ADGRL3: variants seen among roughly 807,000 people sequenced by gnomAD.
ADGRL3 encodes the protein calcium-independent alpha-latrotoxin receptor 3.
ADGRL3 carries 62 observed loss-of-function variants against 153.5 expected under a neutral mutation model. The observed-to-expected ratio is 0.40, with a 90% CI of 0.33 to 0.50. The LOEUF (loss-of-function observed/expected upper bound fraction) is 0.50. ADGRL3 is among the 20% of genes least tolerant of loss of function. ADGRL3 has a pLI of 0.47. For synonymous variants in ADGRL3, 710 were observed against 672.5 expected, an observed-to-expected ratio of 1.06 and a Z score of -0.86; for missense variants, 1,641 against 1,859.4, an observed-to-expected ratio of 0.88 and a Z score of 2.16.
At chr4:61,876,089 A>G (rs2098473399) in intron 9 of ADGRL3, among the ~76,000 whole-genome samples, 1 of 148,156 alleles carries the variant, frequency 6.7e-6, no homozygotes, top group Admixed American at 7.1e-5. Context: ...TGTGGAAATT[A>G]TATCATCAAA....
intron 5 of ADGRL3, among the ~76,000 whole-genome samples, chr4:61,618,477 C>T (rs2092241702): frequency 6.6e-6 from 1 of 152,232 alleles, no homozygotes; most frequent in East Asian, 1.9e-4. Flanking sequence ...CTGATCTGAT[C>T]TGGGCCTACT....
At chr4:61,517,789 A>C (rs1398060371) in intron 4 of ADGRL3, among the ~76,000 whole-genome samples, 1 of 152,176 alleles carries the variant, frequency 6.6e-6, no homozygotes. Flanking sequence ...GCATTATCAC[A>C]GGAAATTTAA....
intron 8 of ADGRL3, among the ~76,000 whole-genome samples, chr4:61,754,610 A>ATC (rs2096797847): frequency 6.7e-6 from 1 of 149,244 alleles, no homozygotes; most frequent in African/African-American, 2.5e-5. Flanking sequence ...CTGAGTGTAT[A>ATC]TATATATATT....
chr4:62,059,750 T>C (rs1739059048), intron 25 of ADGRL3, among the ~76,000 whole-genome samples: 1 of 152,156 alleles, frequency 6.6e-6, no homozygotes, highest in Non-Finnish European at 1.5e-5. Context: ...TATTGTTCCA[T>C]GTAGCCACCA....
At chr4:61,982,551 A>G (rs944822729) in intron 18 of ADGRL3, among the ~76,000 whole-genome samples, 1 of 152,188 alleles carries the variant, frequency 6.6e-6, no homozygotes, top group African/African-American at 2.4e-5. Flanking sequence ...GATTTTAGTC[A>G]GGGTTTCCTA....
chr4:61,520,845 G>A (rs1168518611), intron 4 of ADGRL3, among the ~76,000 whole-genome samples: 1 of 151,744 alleles, frequency 6.6e-6, no homozygotes, highest in Non-Finnish European at 1.5e-5. Flanking sequence ...TTTTTCTTCT[G>A]TTTTTCTCAA....
chr4:61,545,343 A>G (rs1023049533), intron 4 of ADGRL3, among the ~76,000 whole-genome samples: 19 of 152,184 alleles, frequency 1.2e-4, no homozygotes, highest in Admixed American at 1.1e-3. Flanking sequence ...GAAAAAGTAG[A>G]AGCTGGGTTC....
At chr4:61,539,645 G>A (rs1369887541) in intron 4 of ADGRL3, among the ~76,000 whole-genome samples, 2 of 152,112 alleles carry the variant, frequency 1.3e-5, no homozygotes, top group African/African-American at 2.4e-5. Context: ...CAGGCCTGAG[G>A]GGGAGAGCCA....
In ADGRL3 at chr4:61,732,989, A is replaced by G. The variant is rs1292158988; in HGVS notation, c.834A>G (p.Gly278=). Residue 278 remains glycine (G), a synonymous_variant, in exon 8 of 27, where the codon GGA becomes GGG. Coordinates refer to ENST00000683033, the MANE Select transcript of ADGRL3 (RefSeq NM_001387552.1). ...YKLPHRVDGT[G]FVVYDGALFF... ...TCCCTCACAGGGTGGATGGCACAGG[A>G]TTTGTAGTGTATGATGGAGCTTTGT... 6.2e-7 allele frequency: 1 copy of G among 1,613,780 alleles called. No individual in the cohort carries two copies. The highest frequency in any genetic ancestry group is 8.5e-7 in the Non-Finnish European group (1 of 1,179,834).
intron 1 of ADGRL3, among the ~76,000 whole-genome samples, chr4:61,308,227 T>A (rs1245443599): frequency 6.6e-6 from 1 of 152,142 alleles, no homozygotes. Flanking sequence ...GAAATCTAGT[T>A]TCTTAGCAAT....
chr4:61,656,606 A>T (rs754483753), intron 5 of ADGRL3, among the ~76,000 whole-genome samples: 1 of 152,124 alleles, frequency 6.6e-6, no homozygotes, highest in Non-Finnish European at 1.5e-5. Context: ...CATGCAAAAG[A>T]TTTTATTTTG....
chr4:61,411,373 A>G lies in ADGRL3; in HGVS notation c.-174+28184A>G, dbSNP rs182308840. ...TTTTCTTCTTGTAAGTTTTGGCAGG[A>G]ATACTACAGAAATGATGTAATATTC... On this transcript the variant is annotated intron_variant, in intron 2 of 26. Coordinates refer to ENST00000683033, the MANE Select transcript of ADGRL3 (RefSeq NM_001387552.1). Among the ~76,000 whole-genome samples, 534 of 152,286 alleles carry G rather than the reference A, an allele frequency of 3.5e-3. 6 individuals carry two copies. The highest frequency in any genetic ancestry group is 0.012 in the African/African-American group (513 of 41,546).
chr4:61,217,227 A>G (rs1470643), intron 1 of ADGRL3, among the ~76,000 whole-genome samples: 91,878 of 152,002 alleles, frequency 0.6, 28,428 homozygotes, highest in Middle Eastern at 0.69. Context: ...TAAGTGCTAC[A>G]GAAGACAAGT....
intron 1 of ADGRL3, among the ~76,000 whole-genome samples, chr4:61,368,544 T>G (rs923472928): frequency 2.6e-5 from 4 of 151,934 alleles, no homozygotes; most frequent in East Asian, 1.9e-4. Context: ...GTTGTAGATA[T>G]GCGGCGTTAT....
At chr4:61,805,785 C>T (rs1161297716) in intron 8 of ADGRL3, among the ~76,000 whole-genome samples, 1 of 152,062 alleles carries the variant, frequency 6.6e-6, no homozygotes, top group Non-Finnish European at 1.5e-5. Flanking sequence ...TAAATAGCTA[C>T]TTTACATAGG....
intron 1 of ADGRL3, among the ~76,000 whole-genome samples, chr4:61,298,059 A>G (rs2094468888): frequency 6.6e-6 from 1 of 152,198 alleles, no homozygotes; most frequent in South Asian, 2.1e-4. Flanking sequence ...GCTCTTCAAG[A>G]TTATACAACT....
chr4:61,924,335 A>G (rs2098784758), intron 13 of ADGRL3, among the ~76,000 whole-genome samples: 1 of 152,138 alleles, frequency 6.6e-6, no homozygotes, highest in East Asian at 1.9e-4. Context: ...CCCTAGCACA[A>G]TAGTTAGTCC....
chr4:61,810,410 T>C (rs1410166745), intron 8 of ADGRL3, among the ~76,000 whole-genome samples: 1 of 152,176 alleles, frequency 6.6e-6, no homozygotes, highest in Non-Finnish European at 1.5e-5. Flanking sequence ...GATTCTGGAA[T>C]ATAAGCTATC....
chr4:61,967,646 T>G (rs969899916), intron 17 of ADGRL3, among the ~76,000 whole-genome samples: 4 of 152,256 alleles, frequency 2.6e-5, no homozygotes, highest in Admixed American at 2.6e-4. Flanking sequence ...ACCAGCTGCC[T>G]TTCAATCAAG....
Sources: allele counts gnomAD v4.1 joint callset (sites outside exome capture counted in the v4.1 genomes callset), GRCh38; gene constraint gnomAD v4.1.1; transcripts MANE v1.5; gene names NCBI Gene and HGNC (gene_info 2026-07-23, HGNC 2026-07-21).